Variants in WDR33 observed in about 807,000 individuals in gnomAD.
WDR33 encodes the protein WD repeat domain 33.
A neutral mutation model predicts 164.9 loss-of-function variants in WDR33; 47 were observed. That is an observed-to-expected ratio of 0.29 (90% CI 0.23 to 0.36). The LOEUF (loss-of-function observed/expected upper bound fraction) is 0.36. WDR33 is among the 10% of genes least tolerant of loss of function. The pLI, the probability that WDR33 is intolerant of heterozygous loss-of-function variation, is 1.00. For missense variants in WDR33, 1,137 were observed against 1,754.1 expected (o/e 0.65, Z 6.28); for synonymous variants, 505 against 589.0 (o/e 0.86, Z 2.06).
At position 127,719,536 on chromosome 2, in the gene WDR33, G is replaced by A. The variant is rs773351587; in HGVS notation, c.2489C>T (p.Pro830Leu). The change falls in exon 16 of 22, where the codon CCT (proline) becomes CTT (leucine). Residue 830 changes from proline to leucine, a missense_variant. Physicochemically the swap from Pro to Leu is moderately conservative, Grantham distance 98. This residue lies in a region of WDR33 where 867 missense variants were observed against 1,073.0 expected (regional missense o/e 0.81). Coordinates refer to ENST00000322313, the MANE Select transcript of WDR33 (RefSeq NM_018383.5). The surrounding 1 kb of genome is among the most constrained non-coding windows in gnomAD (Gnocchi z 6.5). ...LGHGPQEMRG[P>L]QEIRGMQGPP... ...CCCCTGCATGCCTCGGATCTCCTGAGGACCTCTCATTTCCTGAGGGCCGTG... is the reference window on the plus strand; with the variant it reads ...CCCCTGCATGCCTCGGATCTCCTGAAGACCTCTCATTTCCTGAGGGCCGTG... 1.9e-6 allele frequency: 3 copies of A among 1,613,822 alleles called. No individual in the cohort carries two copies. Among genetic ancestry groups the A allele is most frequent in the Non-Finnish European group, 2.5e-6 (3 of 1,179,952 alleles).
At chr2:127,771,513 C>T (rs868340904) in intron 1 of WDR33, among the ~76,000 whole-genome samples, 17 of 152,258 alleles carry the variant, frequency 1.1e-4, no homozygotes, top group Middle Eastern at 3.4e-3. Context: ...ATGACAGAGA[C>T]CAGTTACACA....
chr2:127,785,868 T>C (rs1256567884), intron 1 of WDR33, among the ~76,000 whole-genome samples: 3 of 152,212 alleles, frequency 2.0e-5, no homozygotes, highest in Admixed American at 1.3e-4. Context: ...GATAAGGGTA[T>C]GCTTGGTTTT....
At chr2:127,801,625 C>T (rs965443574) in intron 1 of WDR33, among the ~76,000 whole-genome samples, 25 of 151,702 alleles carry the variant, frequency 1.6e-4, no homozygotes, top group Admixed American at 4.6e-4. Context: ...GTGGTTCATG[C>T]CTATCTCAGG....
intron 1 of WDR33, among the ~76,000 whole-genome samples, chr2:127,785,713 C>A (rs1335544207): frequency 6.6e-6 from 1 of 152,062 alleles, no homozygotes; most frequent in Non-Finnish European, 1.5e-5. Context: ...ACTTTGTTTA[C>A]CCACTCCCCT....
chr2:127,747,638 C>A (rs1488992522), intron 7 of WDR33, among the ~76,000 whole-genome samples: 6 of 152,110 alleles, frequency 3.9e-5, no homozygotes, highest in African/African-American at 1.4e-4. Context: ...GCTGCTTTTG[C>A]CTATAATGTA....
At chr2:127,751,927 C>T (rs765148545) in intron 7 of WDR33, among the ~76,000 whole-genome samples, 7 of 152,168 alleles carry the variant, frequency 4.6e-5, no homozygotes, top group Admixed American at 6.5e-5. Flanking sequence ...ACTCTGAGGA[C>T]GCAGTAAGTC....
intron 7 of WDR33, among the ~76,000 whole-genome samples, chr2:127,733,756 A>G (rs1158198519): frequency 6.6e-6 from 1 of 152,232 alleles, no homozygotes; most frequent in Non-Finnish European, 1.5e-5. Context: ...AACTGGCCCT[A>G]AAGAAAGTGT....
At position 127,703,177 on chromosome 2, in the gene WDR33, A is replaced by G. The variant is rs1355104227; in HGVS notation, c.*3146T>C. On this transcript the variant is annotated 3_prime_UTR_variant, in exon 22 of 22. Coordinates refer to ENST00000322313, the MANE Select transcript of WDR33 (RefSeq NM_018383.5). ...GTAGCAATACACTAGGAAGTAAAAT[A>G]TATTTAGAATTTAAACATTGTGTGC... 1 of 167,036 alleles carries G rather than the reference A, an allele frequency of 6.0e-6. No individual in the cohort carries two copies. The highest frequency in any genetic ancestry group is 1.5e-5 in the Non-Finnish European group (1 of 68,120). The allele number at this position is 167,036 out of a possible 1,614,324, so 10.3% of individuals were successfully genotyped here.
rs1686118896 is a variant in WDR33 at position 127,709,984 on chromosome 2, CTATA to C, written c.3309-132_3309-129del. On this transcript the variant is annotated intron_variant, in intron 18 of 21. Coordinates refer to ENST00000322313, the MANE Select transcript of WDR33 (RefSeq NM_018383.5). The surrounding 1 kb of genome is among the most constrained non-coding windows in gnomAD (Gnocchi z 5.0). Reference sequence around the variant, plus strand: ...TAATTGGGAGGAAAACAAAATAAAACTATATATTTTTGAAAGGATACATTATATA... The same window carrying C: ...TAATTGGGAGGAAAACAAAATAAAACTATTTTTGAAAGGATACATTATATA... 8.0e-7 allele frequency: 1 copy of C among 1,245,126 alleles called. No homozygotes were observed. 77.1% of individuals were successfully genotyped at this position (1,245,126 alleles called of 1,614,324 possible).
intron 7 of WDR33, among the ~76,000 whole-genome samples, chr2:127,740,648 C>T (rs775206012): frequency 3.9e-5 from 6 of 152,028 alleles, no homozygotes; most frequent in Non-Finnish European, 5.9e-5. Flanking sequence ...TTCAAGTATA[C>T]GATTAAAATT....
intron 1 of WDR33, among the ~76,000 whole-genome samples, chr2:127,777,168 GA>G (rs1688214501): frequency 6.6e-6 from 1 of 152,212 alleles, no homozygotes; most frequent in South Asian, 2.1e-4. Context: ...GAATCTGTGT[GA>G]AACACTGAAT....
chr2:127,750,084 C>T (rs1475062266), intron 7 of WDR33, among the ~76,000 whole-genome samples: 1 of 152,022 alleles, frequency 6.6e-6, no homozygotes, highest in Non-Finnish European at 1.5e-5. Flanking sequence ...AGTGCAGTGG[C>T]GAAATCTTGG....
At chr2:127,785,735 T>C (rs1688541761) in intron 1 of WDR33, among the ~76,000 whole-genome samples, 2 of 152,212 alleles carry the variant, frequency 1.3e-5, no homozygotes, top group South Asian at 4.1e-4. Context: ...CTGAAAGACA[T>C]CTGGGTTGCC....
chr2:127,756,167 C>T (rs942588396), intron 7 of WDR33, among the ~76,000 whole-genome samples: 11 of 151,872 alleles, frequency 7.2e-5, no homozygotes, highest in Non-Finnish European at 1.6e-4. Flanking sequence ...AACGCTGTCT[C>T]CACTAAAAAT....
chr2:127,711,751 G>GATAGATAGATATATAT (rs1157627935), intron 18 of WDR33, among the ~76,000 whole-genome samples: 1 of 71,634 alleles, frequency 1.4e-5, no homozygotes, highest in African/African-American at 9.9e-5. Context: ...CACATATACA[G>GATAGATAGATATATAT]ATATATATAT....
In WDR33 at chr2:127,764,352, T is replaced by C. The variant is rs565105620; in HGVS notation, c.626+476A>G. ...GTTATCTGTGAGGGTTTTAGTCCTA[T>C]ACTTTCCTTTGGAAGTCGTGGCATA... On this transcript the variant is annotated intron_variant, in intron 6 of 21. Coordinates refer to ENST00000322313, the MANE Select transcript of WDR33 (RefSeq NM_018383.5). This position sits in a 1 kb window ranked among gnomAD's most constrained non-coding sequence, Gnocchi z 6.2. 4.9e-6 allele frequency: 7 copies of C among 1,421,630 alleles called. No individual in the cohort carries two copies. The East Asian group carries it at 1.6e-4, about 32-fold the overall frequency. 88.1% of individuals were successfully genotyped at this position (1,421,630 alleles called of 1,614,324 possible).
At chr2:127,800,598 C>A (rs1184718031) in intron 1 of WDR33, among the ~76,000 whole-genome samples, 2 of 141,884 alleles carry the variant, frequency 1.4e-5, no homozygotes, top group Non-Finnish European at 3.0e-5. Flanking sequence ...GATCGCATCA[C>A]TGCACTCCAG....
Position 127,726,624 on chromosome 2 carries a change from G to A in WDR33, c.851+27C>T. Reference sequence around the variant, plus strand: ...ACTGCTTTGCTCCCCTTTGTTCAGGGGCCAAGGTGGGGTTCCTGTCACTTA... The same window carrying A: ...ACTGCTTTGCTCCCCTTTGTTCAGGAGCCAAGGTGGGGTTCCTGTCACTTA... On this transcript the variant is annotated intron_variant, in intron 8 of 21. Coordinates refer to ENST00000322313, the MANE Select transcript of WDR33 (RefSeq NM_018383.5). The surrounding 1 kb of genome is among the most constrained non-coding windows in gnomAD (Gnocchi z 4.8). 6.2e-7 allele frequency: 1 copy of A among 1,612,636 alleles called. No individual in the cohort carries two copies.
rs1420798661 is a variant in WDR33 at position 127,724,858 on chromosome 2, C to T, written c.1085+29G>A. Reference sequence around the variant, plus strand: ...ATTCACGTGCTCTCTTCACAAAATACACTACTTTTTCACATAAATCTTACA... The same window carrying T: ...ATTCACGTGCTCTCTTCACAAAATATACTACTTTTTCACATAAATCTTACA... On this transcript the variant is annotated intron_variant, in intron 10 of 21. Transcript: ENST00000322313. The surrounding 1 kb of genome is among the most constrained non-coding windows in gnomAD (Gnocchi z 4.8). 6.2e-7 allele frequency: 1 copy of T among 1,610,784 alleles called. No individual in the cohort carries two copies. The highest frequency in any genetic ancestry group is 8.5e-7 in the Non-Finnish European group (1 of 1,176,928).
Sources: gnomAD v4.1 joint callset for allele counts (sites outside exome capture counted in the v4.1 genomes callset) on GRCh38, gnomAD v4.1.1 for gene constraint, gnomAD v4.1.1 regional missense constraint, Gnocchi (gnomAD v3.1) non-coding constraint, MANE v1.5 for transcripts, NCBI Gene and HGNC (gene_info 2026-07-23, HGNC 2026-07-21) for gene names.